Variants in MBD5 observed in about 807,000 individuals in gnomAD.
MBD5 encodes the protein methyl-CpG binding domain protein 5.
In MBD5, 13 loss-of-function variants were observed where a neutral mutation model predicts 117.3. The observed-to-expected ratio is 0.11, with a 90% CI of 0.07 to 0.18. The LOEUF (loss-of-function observed/expected upper bound fraction) is 0.18. Among genes scored for constraint, MBD5 ranks in the 10% least tolerant of loss-of-function variants. The probability of loss-of-function intolerance (pLI) is 1.00; values close to 1 mark genes in which losing one functional copy is unlikely to be tolerated. For synonymous variants in MBD5, 727 were observed against 766.4 expected (o/e 0.95, Z 0.85); for missense variants, 1,879 against 2,093.8 (o/e 0.90, Z 2.00).
At chr2:148,232,256 T>C (rs1700005531) in intron 2 of MBD5, among the ~76,000 whole-genome samples, 1 of 152,216 alleles carries the variant, frequency 6.6e-6, no homozygotes, top group African/African-American at 2.4e-5. Context: ...TTGCCTTAGA[T>C]GTTATGGAAA....
chr2:148,373,300 A>G (rs1252466815), intron 4 of MBD5, among the ~76,000 whole-genome samples: 1 of 152,080 alleles, frequency 6.6e-6, no homozygotes, highest in African/African-American at 2.4e-5. Flanking sequence ...ATTTCCATCA[A>G]TTCTGGATGT....
chr2:148,369,409 T>A (rs975702803), intron 4 of MBD5, among the ~76,000 whole-genome samples: 3 of 152,272 alleles, frequency 2.0e-5, no homozygotes, highest in Non-Finnish European at 4.4e-5. Flanking sequence ...TAAGTTGTAT[T>A]GTAATTATGC....
At chr2:148,058,065 G>A (rs759611028) in intron 1 of MBD5, among the ~76,000 whole-genome samples, 16 of 151,982 alleles carry the variant, frequency 1.1e-4, no homozygotes, top group African/African-American at 3.6e-4. Flanking sequence ...TTTAAACATC[G>A]CAATGAATAC....
Position 148,514,468 on chromosome 2 carries a change from C to T in MBD5, c.*1527C>T, listed in dbSNP as rs1682299635. The T allele has an allele frequency of 6.6e-6, 1 of 152,146 alleles. No individual in the cohort carries two copies. Among genetic ancestry groups the T allele is most frequent in the African/African-American group, 2.4e-5 (1 of 41,420 alleles). 9.4% of individuals were successfully genotyped at this position (152,146 alleles called of 1,614,324 possible). ...TTGATGGATTGTCAAAAGAAGGGATCTATTATCCCTTTATTCTTGGAACCA... is the reference window on the plus strand; with the variant it reads ...TTGATGGATTGTCAAAAGAAGGGATTTATTATCCCTTTATTCTTGGAACCA... On this transcript the variant is annotated 3_prime_UTR_variant, in exon 14 of 14. Transcript: ENST00000642680.
At chr2:148,271,649 C>T (rs1042764537) in intron 3 of MBD5, among the ~76,000 whole-genome samples, 1 of 152,062 alleles carries the variant, frequency 6.6e-6, no homozygotes, top group Non-Finnish European at 1.5e-5. Context: ...GATATTTCCA[C>T]TCTGCCTTTT....
Position 148,074,502 on chromosome 2 carries a change from T to G in MBD5, c.-925+52818T>G, listed in dbSNP as rs573443502. The stretch of plus-strand genomic sequence containing the variant: ...ATAGTTTGTTTTTTTTTTGTTTTTT[T>G]TTTTGTTTTTTTTTTTGAGATGGAG... On this transcript the variant is annotated intron_variant, in intron 1 of 13. Coordinates refer to ENST00000642680, the MANE Select transcript of MBD5 (RefSeq NM_001378120.1). Among the ~76,000 whole-genome samples, 113 of 98,698 alleles carry G rather than the reference T, an allele frequency of 1.1e-3. 1 individual carries two copies. The highest frequency in any genetic ancestry group is 2.4e-3 in the East Asian group (7 of 2,974). The allele number at this position is 98,698 out of a possible 152,430, so 64.7% of individuals were successfully genotyped here.
chr2:148,326,404 T>C (rs1702453196), intron 3 of MBD5, among the ~76,000 whole-genome samples: 2 of 152,168 alleles, frequency 1.3e-5, no homozygotes, highest in Non-Finnish European at 2.9e-5. Flanking sequence ...TGACTTTCTG[T>C]CTCGTTGATC....
chr2:148,146,551 T>C (rs1248042191), intron 1 of MBD5, among the ~76,000 whole-genome samples: 2 of 152,178 alleles, frequency 1.3e-5, no homozygotes, highest in Admixed American at 6.5e-5. Context: ...ATTTGCCTTT[T>C]GACATTTTAG....
chr2:148,025,389 C>G (rs1273455635), intron 1 of MBD5: 1 of 151,896 alleles, frequency 6.6e-6, no homozygotes, highest in Non-Finnish European at 1.5e-5. Flanking sequence ...AAATTTTCCA[C>G]TTAATACTGT....
intron 2 of MBD5, among the ~76,000 whole-genome samples, chr2:148,203,926 T>G (rs1699209253): frequency 6.6e-6 from 1 of 152,230 alleles, no homozygotes; most frequent in East Asian, 1.9e-4. Context: ...ACTGCTTCTG[T>G]TCATGTATTT....
At chr2:148,286,813 T>TTACGGTAAA (rs1385041877) in intron 3 of MBD5, among the ~76,000 whole-genome samples, 3 of 152,174 alleles carry the variant, frequency 2.0e-5, no homozygotes, top group African/African-American at 7.2e-5. Context: ...AACCGAAGAT[T>TTACGGTAAA]TACGGTAAAT....
intron 1 of MBD5, among the ~76,000 whole-genome samples, chr2:148,159,609 G>GTA (rs1240463857): frequency 1.3e-5 from 2 of 152,032 alleles, no homozygotes; most frequent in African/African-American, 2.4e-5. Flanking sequence ...TCAATTAGAA[G>GTA]TATATATATG....
intron 2 of MBD5, among the ~76,000 whole-genome samples, chr2:148,215,201 T>C (rs1411239028): frequency 6.6e-6 from 1 of 152,218 alleles, no homozygotes; most frequent in African/African-American, 2.4e-5. Context: ...TACATATTCT[T>C]TCTTACCACT....
intron 4 of MBD5, among the ~76,000 whole-genome samples, chr2:148,399,036 T>C (rs1335786222): frequency 6.6e-6 from 1 of 152,242 alleles, no homozygotes; most frequent in Non-Finnish European, 1.5e-5. Context: ...ACCAGCACCA[T>C]GCTGTTTTGG....
At chr2:148,154,745 C>T (rs1030476877) in intron 1 of MBD5, among the ~76,000 whole-genome samples, 1 of 152,202 alleles carries the variant, frequency 6.6e-6, no homozygotes, top group Non-Finnish European at 1.5e-5. Flanking sequence ...AACTCCCTGA[C>T]CCCTTGCGCT....
chr2:148,373,518 A>T (rs1186719491), intron 4 of MBD5, among the ~76,000 whole-genome samples: 1 of 152,190 alleles, frequency 6.6e-6, no homozygotes, highest in Non-Finnish European at 1.5e-5. Context: ...TGCATTATCC[A>T]TCTGATGATA....
chr2:148,467,644 A>G (rs1680593697), intron 7 of MBD5, among the ~76,000 whole-genome samples: 1 of 152,190 alleles, frequency 6.6e-6, no homozygotes, highest in Non-Finnish European at 1.5e-5. Flanking sequence ...TGTTAGAAAC[A>G]TGATGTGAAA....
chr2:148,103,142 A>T (rs1040786639), intron 1 of MBD5, among the ~76,000 whole-genome samples: 4 of 152,110 alleles, frequency 2.6e-5, no homozygotes, highest in Non-Finnish European at 4.4e-5. Context: ...AGGAAAATTA[A>T]ATGTGCTTTA....
Position 148,468,621 on chromosome 2 carries a change from A to T in MBD5, c.678A>T (p.Ser226=), listed in dbSNP as rs1057523021. Residue 226 remains serine, a synonymous_variant, in exon 8 of 14, where the codon TCA becomes TCT. Coordinates refer to ENST00000642680, the MANE Select transcript of MBD5 (RefSeq NM_001378120.1). ...GSHGGLPSPA[S]SGSQIYGDGS... is the part of the protein sequence containing the mutation. Reference sequence around the variant, plus strand: ...ATGGAGGCCTGCCCAGCCCAGCGTCATCAGGTTCCCAGATATATGGAGATG... The same window carrying T: ...ATGGAGGCCTGCCCAGCCCAGCGTCTTCAGGTTCCCAGATATATGGAGATG... The T allele has an allele frequency of 6.2e-7, 1 of 1,613,958 alleles. No homozygotes were observed. Among genetic ancestry groups the T allele is most frequent in the African/African-American group, 1.3e-5 (1 of 75,022 alleles).
Sources: allele counts gnomAD v4.1 joint callset (sites outside exome capture counted in the v4.1 genomes callset), GRCh38; gene constraint gnomAD v4.1.1; transcripts MANE v1.5; gene names NCBI Gene and HGNC (gene_info 2026-07-23, HGNC 2026-07-21).